CAPN8: variants seen among roughly 807,000 people sequenced by gnomAD.
CAPN8 encodes the protein calpain-8.
In CAPN8, 87 loss-of-function variants were observed where a neutral mutation model predicts 80.9. That is an observed-to-expected ratio of 1.07 (90% CI 0.90 to 1.28). CAPN8 has a LOEUF of 1.28. CAPN8 is among the 50% of genes most tolerant of loss of function. CAPN8 has a pLI of 0.00. For synonymous variants in CAPN8, 299 were observed against 273.8 expected, an observed-to-expected ratio of 1.09 and a Z score of -0.91; for missense variants, 757 against 702.0, an observed-to-expected ratio of 1.08 and a Z score of -0.89.
intron 5 of CAPN8, 103 bp from the exon 6 acceptor site, chr1:223,625,991 G>A (rs918381222): frequency 5.9e-6 from 5 of 852,130 alleles, no homozygotes; most frequent in African/African-American, 5.0e-5. Context: ...GGGGGCTTCA[G>A]TGTGGGACTA....
intron 13 of CAPN8, among the ~76,000 whole-genome samples, chr1:223,557,858 A>G (rs964959327): frequency 2.6e-5 from 4 of 152,228 alleles, no homozygotes; most frequent in African/African-American, 9.6e-5. Context: ...GCTTAGGCAC[A>G]GTGGGTGCTC....
intron 1 of CAPN8, among the ~76,000 whole-genome samples, chr1:223,657,299 C>T (rs1012672444): frequency 1.3e-5 from 2 of 150,990 alleles, no homozygotes; most frequent in African/African-American, 4.9e-5. Context: ...CATTTTTTGG[C>T]AAATAAAAGG....
Position 223,627,022 on chromosome 1 carries a change from G to A in CAPN8, c.696C>T (p.Leu232=). The change falls in exon 5 of 21, where the codon CTC becomes CTT. Residue 232 remains leucine, a synonymous_variant. Transcript: ENST00000366872. ...AGCAGCCCAGCAGAGACCCCGCACA[G>A]AGGGCCTTCCGGATGATCTGATATA... ...ANLYQIIRKA[L]CAGSLLGCSI... 1 of 1,551,942 alleles carries A rather than the reference G, an allele frequency of 6.4e-7. No individual in the cohort carries two copies. The highest frequency in any genetic ancestry group is 8.7e-7 in the Non-Finnish European group (1 of 1,147,054).
chr1:223,552,427 T>G (rs113348940), intron 14 of CAPN8, among the ~76,000 whole-genome samples: 79,644 of 151,730 alleles, frequency 0.52, 22,072 homozygotes, highest in African/African-American at 0.72. Context: ...ATCCAGGCGT[T>G]GTGGCTGGCA....
intron 9 of CAPN8, 106 bp from the exon 10 acceptor site, chr1:223,616,251 C>G: frequency 2.4e-6 from 3 of 1,261,806 alleles, no homozygotes; most frequent in Non-Finnish European, 3.2e-6. Flanking sequence ...ATGCACAGCT[C>G]CATCCAAACT....
At chr1:223,542,265 A>ATG (rs1656487789) in intron 20 of CAPN8, among the ~76,000 whole-genome samples, 13 of 129,720 alleles carry the variant, frequency 1.0e-4, no homozygotes, top group Admixed American at 8.3e-4. Flanking sequence ...TTGTTTCTAT[A>ATG]TGTGTATATA....
intron 4 of CAPN8, among the ~76,000 whole-genome samples, chr1:223,627,483 G>A (rs1178892760): frequency 6.6e-6 from 1 of 152,180 alleles, no homozygotes; most frequent in African/African-American, 2.4e-5. Flanking sequence ...TTTCCCTCAA[G>A]GCTGAGAGGC....
intron 15 of CAPN8, among the ~76,000 whole-genome samples, chr1:223,550,261 C>T (rs1656747574): frequency 6.6e-6 from 1 of 152,218 alleles, no homozygotes; most frequent in African/African-American, 2.4e-5. Flanking sequence ...CTGCTCAGCC[C>T]TGGGTTCGTC....
At chr1:223,608,983 G>A (rs1656966775) in intron 12 of CAPN8, among the ~76,000 whole-genome samples, 170 bp downstream of exon 12, 1 of 147,446 alleles carries the variant, frequency 6.8e-6, no homozygotes, top group Non-Finnish European at 1.5e-5. Context: ...GCAAGGTGGA[G>A]GGGTAGGAGG....
At chr1:223,632,685 A>G (rs1657806438) in intron 2 of CAPN8, among the ~76,000 whole-genome samples, 1 of 152,166 alleles carries the variant, frequency 6.6e-6, no homozygotes, top group South Asian at 2.1e-4. Context: ...TCAATTTTTT[A>G]ATTTTCAAAA....
At position 223,655,022 on chromosome 1, in the gene CAPN8, G is replaced by T. The variant is rs555007219; in HGVS notation, c.238-623C>A. On this transcript the variant is annotated intron_variant, in intron 1 of 20. Coordinates refer to ENST00000366872, the MANE Select transcript of CAPN8 (RefSeq NM_001143962.2). ...TGTTTTAATACTATATGTGTGGTGTGGGTGTGTGGGTGTGTGGGTGTGGAA... is the reference window on the plus strand; with the variant it reads ...TGTTTTAATACTATATGTGTGGTGTTGGTGTGTGGGTGTGTGGGTGTGGAA... 2.0e-5 allele frequency among the ~76,000 whole-genome samples: 3 copies of T among 152,032 alleles called. No homozygotes were observed. The South Asian group carries it at 6.3e-4, about 32-fold the overall frequency.
intron 2 of CAPN8, among the ~76,000 whole-genome samples, chr1:223,630,202 C>G (rs966559125): frequency 1.3e-5 from 2 of 152,136 alleles, no homozygotes; most frequent in African/African-American, 4.8e-5. Context: ...TCTTTCCCAA[C>G]AAAGTCATTC....
chr1:223,618,389 C>T, intron 9 of CAPN8: 1 of 1,435,938 alleles, frequency 7.0e-7, no homozygotes, highest in South Asian at 1.2e-5. Context: ...ACCATACTAT[C>T]TCCACCAGGG....
At chr1:223,642,910 C>A (rs1658081460) in intron 2 of CAPN8, 1 of 443,048 alleles carries the variant, frequency 2.3e-6, no homozygotes, top group Non-Finnish European at 4.5e-6. Context: ...AGCTTTAAAT[C>A]AGACCTTTAA....
At chr1:223,650,311 C>T (rs1186743864) in intron 2 of CAPN8, among the ~76,000 whole-genome samples, 2 of 152,048 alleles carry the variant, frequency 1.3e-5, no homozygotes, top group African/African-American at 2.4e-5. Context: ...ATGGCCATGC[C>T]CCCTTCTTTT....
In CAPN8 at chr1:223,546,885, GGTTGTTGTTGTTGTTGTTGTT is replaced by G. The variant is rs66949236; in HGVS notation, c.1765-1607_1765-1587del. On this transcript the variant is annotated intron_variant, in intron 16 of 20. Coordinates refer to ENST00000366872, the MANE Select transcript of CAPN8 (RefSeq NM_001143962.2). ...AATCAGGGGTTTTTGTTTGTTTTGT[GGTTGTTGTTGTTGTTGTTGTT>G]GTTGTTGTTGTTGTTGTTGTTGTTT... Among the ~76,000 whole-genome samples the G allele has an allele frequency of 5.3e-3, 801 of 149,964 alleles. 6 individuals are homozygous for G. Among genetic ancestry groups the G allele is most frequent in the African/African-American group, 0.018 (748 of 40,486 alleles).
intron 2 of CAPN8, among the ~76,000 whole-genome samples, chr1:223,644,915 A>G (rs1220357700): frequency 6.6e-6 from 1 of 152,216 alleles, no homozygotes. Flanking sequence ...CTAGAGGGAC[A>G]GGACTAATAG....
chr1:223,623,039 C>CT (rs1249463454), intron 6 of CAPN8, 139 bp from the exon 7 acceptor site: 6 of 644,284 alleles, frequency 9.3e-6, no homozygotes, highest in African/African-American at 3.7e-5. Flanking sequence ...TTTAATGCAT[C>CT]TTTTCAGGCT....
At chr1:223,646,321 A>T (rs1658191002) in intron 2 of CAPN8, among the ~76,000 whole-genome samples, 1 of 152,244 alleles carries the variant, frequency 6.6e-6, no homozygotes, top group Non-Finnish European at 1.5e-5. Flanking sequence ...TTCTGGGATC[A>T]TCCTGCTCTA....
Sources: gnomAD v4.1 joint callset for allele counts (sites outside exome capture counted in the v4.1 genomes callset) on GRCh38, gnomAD v4.1.1 for gene constraint, MANE v1.5 for transcripts, NCBI Gene and HGNC (gene_info 2026-07-23, HGNC 2026-07-21) for gene names.